The following ACSL6 variants were observed in gnomAD, a reference collection of about 807,000 sequenced individuals.
ACSL6 encodes the protein acyl-CoA synthetase long chain family member 6, also known as long-chain-fatty-acid--CoA ligase 6.
In ACSL6, 47 loss-of-function variants were observed where a neutral mutation model predicts 98.2. The ratio of observed to expected loss-of-function variants is 0.48; its 90% CI spans 0.38 to 0.61. The LOEUF (loss-of-function observed/expected upper bound fraction) is 0.61. Among genes scored for constraint, ACSL6 ranks in the 20% least tolerant of loss-of-function variants. The pLI, the probability that ACSL6 is intolerant of heterozygous loss-of-function variation, is 0.00. For synonymous variants in ACSL6, 362 were observed against 336.9 expected (o/e 1.07, Z -0.82); for missense variants, 761 against 913.4 (o/e 0.83, Z 2.15).
intron 20 of ACSL6, among the ~76,000 whole-genome samples, chr5:131,956,011 A>G (rs1241331170): frequency 6.6e-6 from 1 of 152,222 alleles, no homozygotes; most frequent in Non-Finnish European, 1.5e-5. Flanking sequence ...TGCTTTTAAA[A>G]ATGAGATACA....
chr5:131,995,239 C>T (rs1754735611), intron 1 of ACSL6, among the ~76,000 whole-genome samples: 1 of 152,112 alleles, frequency 6.6e-6, no homozygotes, highest in African/African-American at 2.4e-5. Flanking sequence ...GAGAAGCAGG[C>T]CCCAGGGGCC....
chr5:131,952,232 TA>T lies in ACSL6; in HGVS notation c.*2001del, dbSNP rs1456257992. 5.2e-6 allele frequency: 1 copy of T among 192,138 alleles called. No homozygotes were observed. Among genetic ancestry groups the T allele is most frequent in the South Asian group, 1.9e-4 (1 of 5,178 alleles). The allele number at this position is 192,138 out of a possible 1,614,324, so 11.9% of individuals were successfully genotyped here. A position where few individuals can be genotyped will look rare whatever the true frequency, so the allele number is the denominator to read the frequency against. On this transcript the variant is annotated 3_prime_UTR_variant, in exon 21 of 21. Coordinates refer to ENST00000651883, the MANE Select transcript of ACSL6 (RefSeq NM_001009185.3). The stretch of plus-strand genomic sequence containing the variant: ...GTATTAGTTTATTCAGAAACGCCTT[TA>T]AAAATCAGTGTGTATAGAACTAGCT...
Position 131,959,558 on chromosome 5 carries a change from C to A in ACSL6, c.2009G>T (p.Ser670Ile). ...TACCTGCTCAAAAGAATGGAGTCCACTTTCTTTTCCTAACCTCACCATATC... is the reference window on the plus strand; with the variant it reads ...TACCTGCTCAAAAGAATGGAGTCCAATTTCTTTTCCTAACCTCACCATATC... Reference protein sequence around the residue: ...LEDMVRLGKESGLHSFEQVKA... With the variant: ...LEDMVRLGKEIGLHSFEQVKA... The change falls in exon 20 of 21, where the codon AGT becomes ATT. Residue 670 changes from serine to isoleucine, a missense_variant. By Grantham distance (142) the Ser-to-Ile change is moderately radical. Coordinates refer to ENST00000651883, the MANE Select transcript of ACSL6 (RefSeq NM_001009185.3). 5 of 1,614,208 alleles carry A rather than the reference C, an allele frequency of 3.1e-6. No homozygotes were observed. The highest frequency in any genetic ancestry group is 3.4e-6 in the Non-Finnish European group (4 of 1,180,034).
chr5:131,985,449 GCT>G lies in ACSL6; in HGVS notation c.872_873del (p.Gln291ProfsTer2). 1 of 1,613,890 alleles carries G rather than the reference GCT, an allele frequency of 6.2e-7. No homozygotes were observed. Among genetic ancestry groups the G allele is most frequent in the Non-Finnish European group, 8.5e-7 (1 of 1,179,992 alleles). Reference sequence around the variant, plus strand: ...AAACACACAATGGAGAGGTCATCAGGCTGCGGGGGCTGCAGGGGTGAGAAGAG... The same window carrying G: ...AAACACACAATGGAGAGGTCATCAGGGCGGGGGCTGCAGGGGTGAGAAGAG... The part of the protein sequence containing the change: ...QENHQAPVPP[Q>X]PDDLSIVCFT... On this transcript the variant is annotated frameshift_variant, in exon 9 of 21. Transcript: ENST00000651883. LOFTEE classifies it high-confidence loss of function.
intron 19 of ACSL6, 27 bp downstream of exon 19, chr5:131,960,493 T>C (rs1752647923): frequency 6.3e-7 from 1 of 1,591,454 alleles, no homozygotes; most frequent in Non-Finnish European, 8.6e-7. Flanking sequence ...TCAGTAACCT[T>C]TCAGGAGACA....
At chr5:131,958,194 G>T (rs1387704470) in intron 20 of ACSL6, among the ~76,000 whole-genome samples, 1 of 152,156 alleles carries the variant, frequency 6.6e-6, no homozygotes, top group Non-Finnish European at 1.5e-5. Flanking sequence ...CCTGGGACAG[G>T]TCCCGCATCC....
rs143628032 is a variant in ACSL6 at position 131,971,055 on chromosome 5, C to T, written c.1434+495G>A. Among the ~76,000 whole-genome samples the T allele has an allele frequency of 2.7e-3, 417 of 152,268 alleles. 1 individual carries two copies. The highest frequency in any genetic ancestry group is 6.2e-3 in the Admixed American group (95 of 15,300). ...ACTTCAAATCCATCAGCCACAACCA[C>T]GTTATGATACCCTTCATATGCAGAA... On this transcript the variant is annotated intron_variant, in intron 14 of 20. Transcript: ENST00000651883.
At chr5:131,977,425 C>T (rs1753678642) in intron 9 of ACSL6, among the ~76,000 whole-genome samples, 1 of 152,178 alleles carries the variant, frequency 6.6e-6, no homozygotes, top group South Asian at 2.1e-4. Context: ...GCCACCATTT[C>T]CTGTCAGGGT....
In ACSL6 at chr5:132,005,305, T is replaced by A. The variant is rs1249190710; in HGVS notation, c.49+6200A>T. ...GGGGTCTATGTGGCTTCATGCAGCA[T>A]CAGCTCTAGTGGCAGGGCAGAGTGG... On this transcript the variant is annotated intron_variant, in intron 1 of 20. Transcript: ENST00000651883. Among the ~76,000 whole-genome samples the A allele has an allele frequency of 3.9e-5, 6 of 152,232 alleles. No homozygotes were observed. The East Asian group carries it at 1.2e-3, about 29-fold the overall frequency.
At chr5:131,971,251 ATTCTAC>A (rs1448552449) in intron 14 of ACSL6, among the ~76,000 whole-genome samples, 1 of 152,186 alleles carries the variant, frequency 6.6e-6, no homozygotes, top group East Asian at 1.9e-4. Flanking sequence ...TATGGTACAG[ATTCTAC>A]CGCACATTGA....
chr5:131,963,390 C>A (rs146085259), intron 17 of ACSL6, among the ~76,000 whole-genome samples: 18 of 152,310 alleles, frequency 1.2e-4, no homozygotes, highest in Middle Eastern at 3.4e-3. Flanking sequence ...TGACAATGCA[C>A]CTTGGAGTAA....
In ACSL6 at chr5:131,951,010, G is replaced by A. The variant is rs999481243; in HGVS notation, c.*3224C>T. 9.2e-5 allele frequency: 18 copies of A among 196,076 alleles called. No individual in the cohort carries two copies. Among genetic ancestry groups the A allele is most frequent in the South Asian group, 7.7e-4 (4 of 5,208 alleles). The allele number at this position is 196,076 out of a possible 1,614,324, so 12.1% of individuals were successfully genotyped here. A position where few individuals can be genotyped will look rare whatever the true frequency, so the allele number is the denominator to read the frequency against. On this transcript the variant is annotated 3_prime_UTR_variant, in exon 21 of 21. Coordinates refer to ENST00000651883, the MANE Select transcript of ACSL6 (RefSeq NM_001009185.3). The stretch of plus-strand genomic sequence containing the variant: ...ACACACTATACCTGACCAGAGTCCC[G>A]TCTCTCATTTGCAAGGGAAGTCTCA...
chr5:131,966,296 G>T lies in ACSL6; in HGVS notation c.1713+120C>A, dbSNP rs1026544003. 3.3e-6 allele frequency: 3 copies of T among 918,352 alleles called. No homozygotes were observed. The African/African-American group carries it at 4.9e-5, about 15-fold the overall frequency. The allele number at this position is 918,352 out of a possible 1,614,324, so 56.9% of individuals were successfully genotyped here. A position where few individuals can be genotyped will look rare whatever the true frequency, so the allele number is the denominator to read the frequency against. ...GAAGAGCCTCCCCCCAGGCCCCAGA[G>T]GTGCTCCTGAATGACTCATTGTCAG... On this transcript the variant is annotated intron_variant, in intron 17 of 20. Coordinates refer to ENST00000651883, the MANE Select transcript of ACSL6 (RefSeq NM_001009185.3).
intron 9 of ACSL6, chr5:131,982,890 A>T (rs1753979201): frequency 6.6e-6 from 1 of 152,126 alleles, no homozygotes; most frequent in South Asian, 2.1e-4. Flanking sequence ...CTGATGACAC[A>T]AGCTGGGAGC....
chr5:131,971,008 A>G (rs1753276527), intron 14 of ACSL6, among the ~76,000 whole-genome samples: 1 of 152,216 alleles, frequency 6.6e-6, no homozygotes, highest in Non-Finnish European at 1.5e-5. Context: ...ACGCACAATT[A>G]TGAAAAAGAT....
chr5:131,968,423 T>G (rs1240823646), intron 15 of ACSL6, among the ~76,000 whole-genome samples: 1 of 152,216 alleles, frequency 6.6e-6, no homozygotes, highest in Non-Finnish European at 1.5e-5. Flanking sequence ...TCATAAAATA[T>G]AGCAATCATT....
At chr5:131,996,650 C>G (rs1219907144) in intron 1 of ACSL6, among the ~76,000 whole-genome samples, 1 of 152,206 alleles carries the variant, frequency 6.6e-6, no homozygotes, top group Non-Finnish European at 1.5e-5. Context: ...CTCACAGACT[C>G]TGAGCTTTGC....
At chr5:131,961,902 A>G (rs919734980) in intron 18 of ACSL6, among the ~76,000 whole-genome samples, 1 of 151,292 alleles carries the variant, frequency 6.6e-6, no homozygotes, top group Non-Finnish European at 1.5e-5. Context: ...GCCAGGTGTG[A>G]TGGCTCATGC....
chr5:131,975,494 G>A, intron 10 of ACSL6: 1 of 985,452 alleles, frequency 1.0e-6, no homozygotes, highest in Non-Finnish European at 1.2e-6. Flanking sequence ...GCAGAGAAAG[G>A]GGCCCAGAGA....
Sources: gnomAD v4.1 joint callset for allele counts (sites outside exome capture counted in the v4.1 genomes callset) on GRCh38, gnomAD v4.1.1 for gene constraint, MANE v1.5 for transcripts, NCBI Gene and HGNC (gene_info 2026-07-23, HGNC 2026-07-21) for gene names.